Variants in CAPN3 observed in about 807,000 individuals in gnomAD.
CAPN3 encodes calpain-3.
In CAPN3, 88 loss-of-function variants were observed where a neutral mutation model predicts 114.0. The ratio of observed to expected loss-of-function variants is 0.77; its 90% CI spans 0.65 to 0.92. The LOEUF (loss-of-function observed/expected upper bound fraction) is 0.92. CAPN3 is among the 40% of genes least tolerant of loss of function. The pLI is 0.00. For synonymous variants in CAPN3, 386 were observed against 382.9 expected (o/e 1.01, Z -0.09); for missense variants, 1,028 against 1,069.0 (o/e 0.96, Z 0.53).
chr15:42,409,817 A>T lies in CAPN3; in HGVS notation c.2023A>T (p.Lys675Ter). Residue 675 changes from lysine (K) to a stop codon, truncating the protein, a stop_gained, in exon 18 of 24, where the codon AAG becomes TAG. Transcript: ENST00000397163. LOFTEE classifies it high-confidence loss of function. ...GGAGATCTGTGCAGATGAGCTCAAG[A>T]AGGTCCTTAACACAGTCGTGAACAA... ...DMEICADELK[K>*]VLNTVVNKHK... 1 of 1,565,744 alleles carries T rather than the reference A, an allele frequency of 6.4e-7. No homozygotes were observed. The highest frequency in any genetic ancestry group is 8.7e-7 in the Non-Finnish European group (1 of 1,152,116).
intron 3 of CAPN3, among the ~76,000 whole-genome samples, chr15:42,386,916 G>A (rs199641406): frequency 1.5e-4 from 23 of 152,048 alleles, no homozygotes; most frequent in East Asian, 5.8e-4. Flanking sequence ...GGGATGCTGG[G>A]GAGTCAGCCT....
intron 9 of CAPN3, among the ~76,000 whole-genome samples, chr15:42,398,588 A>AAAACAC: frequency 1.2e-5 from 1 of 84,860 alleles, no homozygotes; most frequent in Non-Finnish European, 2.2e-5. Flanking sequence ...TGTCTCAAAA[A>AAAACAC]ATACACACAC....
chr15:42,374,294 A>G (rs2053030950), intron 1 of CAPN3: 1 of 152,530 alleles, frequency 6.6e-6, no homozygotes, highest in Non-Finnish European at 1.5e-5. Context: ...GCCATGCCCT[A>G]CCTGCTGTCA....
chr15:42,388,157 G>A (rs2053453803), intron 4 of CAPN3, among the ~76,000 whole-genome samples: 1 of 152,188 alleles, frequency 6.6e-6, no homozygotes, highest in South Asian at 2.1e-4. Flanking sequence ...GCACCTCCAT[G>A]GTGGCATTGC....
chr15:42,372,232 T>C (rs1292759771), intron 1 of CAPN3, among the ~76,000 whole-genome samples: 1 of 152,178 alleles, frequency 6.6e-6, no homozygotes, highest in Non-Finnish European at 1.5e-5. Flanking sequence ...CAATCTCGGC[T>C]CACTGCAAAC....
At chr15:42,411,165 T>C in intron 22 of CAPN3, 122 bp from the exon 23 acceptor site, 1 of 1,026,020 alleles carries the variant, frequency 9.7e-7, no homozygotes, top group East Asian at 2.4e-5. Context: ...GGTGATTCTC[T>C]GCCTGCACAT....
In CAPN3 at chr15:42,409,834, C is replaced by G; in HGVS notation, c.2040C>G (p.Val680=). 1 of 1,518,112 alleles carries G rather than the reference C, an allele frequency of 6.6e-7. No homozygotes were observed. Among genetic ancestry groups the G allele is most frequent in the Non-Finnish European group, 8.9e-7 (1 of 1,129,848 alleles). 94.0% of individuals were successfully genotyped at this position (1,518,112 alleles called of 1,614,324 possible). ...ADELKKVLNT[V]VNKHKDLKTH... is the part of the protein sequence containing the mutation. ...AGCTCAAGAAGGTCCTTAACACAGT[C>G]GTGAACAAACGTGAGTTGCTCAAAC... The change falls in exon 18 of 24, where the codon GTC becomes GTG. Residue 680 remains valine (V), a synonymous_variant. Transcript: ENST00000397163.
intron 4 of CAPN3, 97 bp from the exon 5 acceptor site, chr15:42,388,831 C>A: frequency 1.0e-6 from 1 of 958,766 alleles, no homozygotes; most frequent in Non-Finnish European, 1.7e-6. Context: ...GAAAGAACAT[C>A]ACAGCATCCA....
intron 1 of CAPN3, among the ~76,000 whole-genome samples, chr15:42,383,827 C>T (rs1263295890): frequency 1.3e-5 from 2 of 151,574 alleles, no homozygotes; most frequent in Non-Finnish European, 2.9e-5. Flanking sequence ...CCCGCCTTGG[C>T]CTCCCAAAGT....
At chr15:42,403,934 G>T in intron 14 of CAPN3, 157 bp downstream of exon 14, 1 of 761,494 alleles carries the variant, frequency 1.3e-6, no homozygotes, top group Non-Finnish European at 2.3e-6. Context: ...ATCCTACTTT[G>T]GCATGGCCAG....
In CAPN3 at chr15:42,412,175, GA is replaced by G; in HGVS notation, c.*404del. ...TTCACGCTGTCCCACCATGGGCCAG[GA>G]ACCAAACCAGCACTGGGTTCTACTG... On this transcript the variant is annotated 3_prime_UTR_variant, in exon 24 of 24. Transcript: ENST00000397163. 2 of 1,536,098 alleles carry G rather than the reference GA, an allele frequency of 1.3e-6. No individual in the cohort carries two copies. Among genetic ancestry groups the G allele is most frequent in the Non-Finnish European group, 1.7e-6 (2 of 1,146,896 alleles).
rs2053239121 is a variant in CAPN3 at position 42,381,068 on chromosome 15, C to T, written c.310-3415C>T. Among the ~76,000 whole-genome samples, 5 of 152,184 alleles carry T rather than the reference C, an allele frequency of 3.3e-5. No individual in the cohort carries two copies. In the South Asian group the frequency reaches 6.2e-4, roughly 19 times the overall value. ...TATTACCATTTCCTTCCTTTCTTTGCTTATGACATTACTGTCATTTGTTTC... is the reference window on the plus strand; with the variant it reads ...TATTACCATTTCCTTCCTTTCTTTGTTTATGACATTACTGTCATTTGTTTC... On this transcript the variant is annotated intron_variant, in intron 1 of 23. Transcript: ENST00000397163.
At chr15:42,401,559 A>G (rs958026962) in intron 10 of CAPN3, 82 bp from the exon 11 acceptor site, 35 of 1,243,294 alleles carry the variant, frequency 2.8e-5, no homozygotes, top group Non-Finnish European at 4.0e-5. Context: ...AGGGAATAGA[A>G]ATAAATGGCT....
At chr15:42,384,281 G>A (rs1317198186) in intron 1 of CAPN3, among the ~76,000 whole-genome samples, 5 of 152,050 alleles carry the variant, frequency 3.3e-5, no homozygotes, top group Admixed American at 2.0e-4. Flanking sequence ...GCATGGTGGC[G>A]CATGCCTATA....
At chr15:42,377,945 A>C (rs2053133542) in intron 1 of CAPN3, among the ~76,000 whole-genome samples, 1 of 152,220 alleles carries the variant, frequency 6.6e-6, no homozygotes, top group South Asian at 2.1e-4. Context: ...CAAATTTGTG[A>C]GCATGGAGCT....
intron 6 of CAPN3, among the ~76,000 whole-genome samples, chr15:42,391,060 T>C (rs2141172865): frequency 6.6e-6 from 1 of 152,308 alleles, no homozygotes; most frequent in African/African-American, 2.4e-5. Flanking sequence ...CCCAAAGTGC[T>C]GGGATTACAG....
chr15:42,380,751 A>ATT (rs59923448), intron 1 of CAPN3, among the ~76,000 whole-genome samples: 59 of 64,456 alleles, frequency 9.2e-4, no homozygotes, highest in African/African-American at 1.3e-3. Flanking sequence ...ATATATATAT[A>ATT]TTTTTTTTTT....
At chr15:42,411,378 C>T (rs2054225828) in intron 23 of CAPN3, 33 bp downstream of exon 23, 1 of 1,600,086 alleles carries the variant, frequency 6.2e-7, no homozygotes, top group South Asian at 1.1e-5. Context: ...TCCCCCTACA[C>T]ATTAAAACTC....
In CAPN3 at chr15:42,394,226, G is replaced by A. The variant is rs938423133; in HGVS notation, c.1030-30G>A. ...AGATTCCCTTTCCAGAGAGGCTGCA[G>A]AGCATGAGAGCTCTTTCTGTGTGCT... is the stretch of plus-strand genomic sequence containing the variant. On this transcript the variant is annotated intron_variant, in intron 7 of 23. Coordinates refer to ENST00000397163, the MANE Select transcript of CAPN3 (RefSeq NM_000070.3). 6 of 1,544,534 alleles carry A rather than the reference G, an allele frequency of 3.9e-6. No individual in the cohort carries two copies. In the South Asian group the frequency reaches 6.0e-5, roughly 15 times the overall value.
Sources: allele counts gnomAD v4.1 joint callset (sites outside exome capture counted in the v4.1 genomes callset), GRCh38; gene constraint gnomAD v4.1.1; transcripts MANE v1.5; gene names NCBI Gene and HGNC (gene_info 2026-07-23, HGNC 2026-07-21).